CPVL: variants seen among roughly 807,000 people sequenced by gnomAD.
The protein encoded by CPVL is probable serine carboxypeptidase CPVL.
In CPVL, 51 loss-of-function variants were observed where a neutral mutation model predicts 63.7. That is an observed-to-expected ratio of 0.80 (90% CI 0.64 to 1.01). The LOEUF (loss-of-function observed/expected upper bound fraction) is 1.01, where lower values mean the gene tolerates loss of function less well. Among genes scored for constraint, CPVL ranks in the 50% least tolerant of loss-of-function variants. The probability of loss-of-function intolerance (pLI) is 0.00; values close to 1 mark genes in which losing one functional copy is unlikely to be tolerated. For missense variants in CPVL, 530 were observed against 573.1 expected (o/e 0.92, Z 0.77); for synonymous variants, 195 against 206.0 (o/e 0.95, Z 0.46).
intron 3 of CPVL, among the ~76,000 whole-genome samples, chr7:29,185,002 T>C (rs1204269568): frequency 1.3e-5 from 2 of 152,202 alleles, no homozygotes; most frequent in African/African-American, 2.4e-5. Flanking sequence ...TAAGTGCATT[T>C]GTCTGTGATA....
At chr7:29,121,725 T>C (rs1789394253) in intron 1 of CPVL, among the ~76,000 whole-genome samples, 1 of 152,108 alleles carries the variant, frequency 6.6e-6, no homozygotes, top group Non-Finnish European at 1.5e-5. Context: ...TAAGCAAAGG[T>C]GAGACCTCAG....
At chr7:29,069,214 C>T (rs926744223) in intron 9 of CPVL, among the ~76,000 whole-genome samples, 2 of 151,082 alleles carry the variant, frequency 1.3e-5, no homozygotes, top group Non-Finnish European at 3.0e-5. Flanking sequence ...CCGAGGCGGG[C>T]GGATCACTTG....
At chr7:29,082,722 GA>G (rs34155409) in intron 7 of CPVL, among the ~76,000 whole-genome samples, 1 of 152,150 alleles carries the variant, frequency 6.6e-6, no homozygotes, top group Admixed American at 6.5e-5. Flanking sequence ...AAGGTAAAAA[GA>G]AAACTGTCCT....
Position 29,112,833 on chromosome 7 carries a change from A to G in CPVL, c.170-11T>C, listed in dbSNP as rs547864474. The G allele has an allele frequency of 1.8e-4, 228 of 1,255,276 alleles. No homozygotes were observed. The African/African-American group carries it at 4.1e-3, about 23-fold the overall frequency. 77.8% of individuals were successfully genotyped at this position (1,255,276 alleles called of 1,614,324 possible). A position where few individuals can be genotyped will look rare whatever the true frequency, so the allele number is the denominator to read the frequency against. ...AACTCAATTCTCTTCCTAGTGGGGG[A>G]AAAAAAATTTACCCAAGGATTACAG... On this transcript the variant is annotated splice_polypyrimidine_tract_variant and intron_variant, in intron 2 of 12. Coordinates refer to ENST00000265394, the MANE Select transcript of CPVL (RefSeq NM_031311.5).
At chr7:29,099,865 A>T (rs1562769184) in intron 3 of CPVL, among the ~76,000 whole-genome samples, 1 of 152,214 alleles carries the variant, frequency 6.6e-6, no homozygotes, top group East Asian at 1.9e-4. Context: ...CCTGGCCCTC[A>T]GTTTCCTCGT....
At chr7:29,051,299 G>T (rs1423457193) in intron 11 of CPVL, among the ~76,000 whole-genome samples, 1 of 152,170 alleles carries the variant, frequency 6.6e-6, no homozygotes, top group Non-Finnish European at 1.5e-5. Flanking sequence ...GGAACAGTCT[G>T]CAGAGTAAAC....
intron 1 of CPVL, chr7:29,126,292 C>T (rs911372424): frequency 2.0e-5 from 3 of 152,092 alleles, no homozygotes; most frequent in Non-Finnish European, 2.9e-5. Flanking sequence ...ACCACAGTAA[C>T]CAGCAAACAC....
upstream of CPVL, among the ~76,000 whole-genome samples, chr7:29,148,019 G>C (rs1406369966): frequency 6.6e-6 from 1 of 152,156 alleles, no homozygotes. Context: ...TGGAAGCTCG[G>C]TCAAGCTTCC....
chr7:29,167,045 G>A (rs1054362375), intron 5 of CPVL, among the ~76,000 whole-genome samples: 1 of 152,012 alleles, frequency 6.6e-6, no homozygotes, highest in Non-Finnish European at 1.5e-5. Flanking sequence ...TAATAACAAA[G>A]TGAACAATGT....
At chr7:29,049,921 T>C (rs1789980353) in intron 11 of CPVL, among the ~76,000 whole-genome samples, 1 of 152,136 alleles carries the variant, frequency 6.6e-6, no homozygotes, top group Non-Finnish European at 1.5e-5. Flanking sequence ...AAAAATCACA[T>C]GATCATCTCA....
chr7:29,159,169 A>C (rs925673132), intron 5 of CPVL, among the ~76,000 whole-genome samples: 24 of 152,348 alleles, frequency 1.6e-4, no homozygotes, highest in African/African-American at 5.5e-4. Flanking sequence ...GACTCCTGCA[A>C]GCAGATTTCT....
At chr7:29,068,968 C>A (rs1783428043) in intron 9 of CPVL, among the ~76,000 whole-genome samples, 1 of 150,518 alleles carries the variant, frequency 6.6e-6, no homozygotes, top group Non-Finnish European at 1.5e-5. Context: ...CAGGCGTGAG[C>A]CACTGCGCCC....
intron 11 of CPVL, among the ~76,000 whole-genome samples, chr7:29,036,997 C>T (rs1788592311): frequency 6.6e-6 from 1 of 152,164 alleles, no homozygotes; most frequent in South Asian, 2.1e-4. Context: ...AGTGCTCTTC[C>T]ACATTGCCTC....
chr7:28,998,962 T>C (rs1049214069), intron 12 of CPVL, among the ~76,000 whole-genome samples: 8 of 152,128 alleles, frequency 5.3e-5, no homozygotes, highest in African/African-American at 1.9e-4. Flanking sequence ...TCCCAACACT[T>C]TGGGAGGCTG....
At chr7:29,031,383 A>G (rs1311245555) in intron 11 of CPVL, among the ~76,000 whole-genome samples, 1 of 152,246 alleles carries the variant, frequency 6.6e-6, no homozygotes, top group East Asian at 1.9e-4. Context: ...CTTTCTTCCT[A>G]GAATACAATT....
chr7:29,006,421 G>C (rs998255323), intron 12 of CPVL, among the ~76,000 whole-genome samples: 1 of 152,280 alleles, frequency 6.6e-6, no homozygotes. Context: ...CTGGAAATCA[G>C]ATGAGCCAGA....
At chr7:29,031,590 C>G (rs1317469467) in intron 11 of CPVL, among the ~76,000 whole-genome samples, 1 of 151,896 alleles carries the variant, frequency 6.6e-6, no homozygotes, top group Non-Finnish European at 1.5e-5. Flanking sequence ...TTTTCTGCCC[C>G]CAAACTTAAA....
chr7:28,995,686 A>C lies in CPVL; in HGVS notation c.*86T>G. ...AAAATCTTGCAGATATGAAAAGATA[A>C]TTTTTTTATTCCTATGACATTTTCT... On this transcript the variant is annotated 3_prime_UTR_variant, in exon 13 of 13. Coordinates refer to ENST00000265394, the MANE Select transcript of CPVL (RefSeq NM_031311.5). The C allele has an allele frequency of 1.2e-6, 1 of 807,436 alleles. No homozygotes were observed. Among genetic ancestry groups the C allele is most frequent in the East Asian group, 2.8e-5 (1 of 36,096 alleles). The allele number at this position is 807,436 out of a possible 1,614,324, so 50.0% of individuals were successfully genotyped here. A position where few individuals can be genotyped will look rare whatever the true frequency, so the allele number is the denominator to read the frequency against.
intron 7 of CPVL, among the ~76,000 whole-genome samples, chr7:29,084,175 G>A (rs966110016): frequency 3.9e-5 from 6 of 152,120 alleles, no homozygotes; most frequent in Non-Finnish European, 7.4e-5. Flanking sequence ...TCCCATTACC[G>A]TTAGAATAAA....
Sources: gnomAD v4.1 joint callset for allele counts (sites outside exome capture counted in the v4.1 genomes callset) on GRCh38, gnomAD v4.1.1 for gene constraint, MANE v1.5 for transcripts, NCBI Gene and HGNC (gene_info 2026-07-23, HGNC 2026-07-21) for gene names.